HGSNAT: variants seen among roughly 807,000 people sequenced by gnomAD.
HGSNAT encodes the protein transmembrane protein 76.
In HGSNAT, 59 loss-of-function variants were observed where a neutral mutation model predicts 85.2. The observed-to-expected ratio is 0.69, with a 90% CI of 0.56 to 0.86. The LOEUF is 0.86. Ranked by LOEUF, HGSNAT falls within the 40% of genes least tolerant of loss-of-function variation. HGSNAT has a pLI of 0.00. For synonymous variants in HGSNAT, 321 were observed against 304.5 expected (o/e 1.05, Z -0.56); for missense variants, 756 against 777.1 (o/e 0.97, Z 0.32).
intron 10 of HGSNAT, among the ~76,000 whole-genome samples, chr8:43,180,007 G>A (rs1164721039): frequency 2.7e-5 from 3 of 110,472 alleles, no homozygotes; most frequent in Non-Finnish European, 5.6e-5. Context: ...CAGTAGGGGC[G>A]GCCGGGCAGA....
chr8:43,145,410 C>T (rs1802680990), intron 1 of HGSNAT, among the ~76,000 whole-genome samples: 2 of 152,134 alleles, frequency 1.3e-5, no homozygotes, highest in Non-Finnish European at 2.9e-5. Context: ...TACTGCAGGG[C>T]TTGTCTTCAC....
intron 2 of HGSNAT, among the ~76,000 whole-genome samples, chr8:43,152,015 G>A (rs1747774153): frequency 6.6e-6 from 1 of 152,214 alleles, no homozygotes; most frequent in Admixed American, 6.5e-5. Flanking sequence ...GAGGCTGGAT[G>A]CAGTGGTTCA....
At position 43,158,910 on chromosome 8, in the gene HGSNAT, C is replaced by T. The variant is rs1241547026; in HGVS notation, c.372-13C>T. The T allele has an allele frequency of 1.3e-6, 2 of 1,598,492 alleles. No homozygotes were observed. Among genetic ancestry groups the T allele is most frequent in the African/African-American group, 2.7e-5 (2 of 74,564 alleles). ...ATCTAACCACTTGTCTTAATTTTAC[C>T]TAATGTTTGTAGGTTGGAATACAGA... On this transcript the variant is annotated splice_polypyrimidine_tract_variant and intron_variant, in intron 3 of 17. Coordinates refer to ENST00000379644, the MANE Select transcript of HGSNAT (RefSeq NM_152419.3).
intron 5 of HGSNAT, among the ~76,000 whole-genome samples, chr8:43,162,649 T>C (rs1239948303): frequency 1.3e-5 from 2 of 151,930 alleles, no homozygotes; most frequent in Non-Finnish European, 2.9e-5. Context: ...CTTCCTGGGC[T>C]CAGGTGATTC....
Position 43,161,841 on chromosome 8 carries a change from G to A in HGSNAT, c.563+334G>A, listed in dbSNP as rs150715450. 6.6e-5 allele frequency among the ~76,000 whole-genome samples: 10 copies of A among 152,344 alleles called. No homozygotes were observed. The East Asian group carries it at 1.3e-3, about 21-fold the overall frequency. ...CTCATGACAATTTTAGGAGGAGGTC[G>A]CTGCACTGAACTCCCTTCCCCCTCT... On this transcript the variant is annotated intron_variant, in intron 5 of 17. Coordinates refer to ENST00000379644, the MANE Select transcript of HGSNAT (RefSeq NM_152419.3).
chr8:43,167,863 T>C (rs1803480242), intron 5 of HGSNAT: 3 of 205,480 alleles, frequency 1.5e-5, no homozygotes, highest in Non-Finnish European at 3.1e-5. Context: ...AATATATTTA[T>C]CTTTTGTTAG....
At chr8:43,179,184 G>A (rs1488077452) in intron 10 of HGSNAT, among the ~76,000 whole-genome samples, 1 of 150,548 alleles carries the variant, frequency 6.6e-6, no homozygotes, top group African/African-American at 2.5e-5. Flanking sequence ...CCCAGTAGGG[G>A]CGGCCGGGCA....
At chr8:43,155,648 C>G (rs1439136071) in intron 2 of HGSNAT, among the ~76,000 whole-genome samples, 1 of 152,142 alleles carries the variant, frequency 6.6e-6, no homozygotes, top group African/African-American at 2.4e-5. Flanking sequence ...GCACCAGTGT[C>G]ATGCAATGTT....
chr8:43,159,166 T>TC, intron 4 of HGSNAT, 122 bp downstream of exon 4: 1 of 900,902 alleles, frequency 1.1e-6, no homozygotes, highest in South Asian at 2.2e-5. Context: ...AAATCTTAGG[T>TC]CATTGATGAG....
chr8:43,197,517 T>A (rs1007041631), intron 15 of HGSNAT, 155 bp from the exon 16 acceptor site: 17 of 625,624 alleles, frequency 2.7e-5, no homozygotes, highest in Admixed American at 5.8e-5. Context: ...TTCATACATT[T>A]AAAAAAATAT....
rs984400436 is a variant in HGSNAT at position 43,144,428 on chromosome 8, G to A, written c.119-2520G>A. Among the ~76,000 whole-genome samples, 14 of 152,048 alleles carry A rather than the reference G, an allele frequency of 9.2e-5. No homozygotes were observed. In the East Asian group the frequency reaches 2.5e-3, roughly 27 times the overall value. ...TGGCCTGGATCACTGTAATGTCTATGTGTTGAGCACTTGTTTCTGTGCCAG... is the reference window on the plus strand; with the variant it reads ...TGGCCTGGATCACTGTAATGTCTATATGTTGAGCACTTGTTTCTGTGCCAG... On this transcript the variant is annotated intron_variant, in intron 1 of 17. Coordinates refer to ENST00000379644, the MANE Select transcript of HGSNAT (RefSeq NM_152419.3).
At chr8:43,150,235 G>A (rs533623579) in intron 2 of HGSNAT, among the ~76,000 whole-genome samples, 2 of 152,180 alleles carry the variant, frequency 1.3e-5, no homozygotes, top group East Asian at 3.9e-4. Flanking sequence ...TTACCGACGT[G>A]AGCCACCGCG....
chr8:43,159,863 T>A (rs760879759), intron 4 of HGSNAT, among the ~76,000 whole-genome samples: 3 of 152,154 alleles, frequency 2.0e-5, no homozygotes, highest in Non-Finnish European at 4.4e-5. Context: ...TAGGTAACAA[T>A]GTATGTGCTG....
intron 11 of HGSNAT, among the ~76,000 whole-genome samples, chr8:43,188,621 C>T (rs931036191): frequency 2.0e-5 from 3 of 152,106 alleles, no homozygotes; most frequent in African/African-American, 7.2e-5. Context: ...TTTGTTATTA[C>T]CATTCATCTG....
Position 43,178,207 on chromosome 8 carries a change from G to A in HGSNAT, c.985G>A (p.Val329Met). ...GTTAATCTGCATAGGAATTATCATT[G>A]TGAATCCCAATTATTGCCTTGGTCC... ...FLLICIGIII[V>M]NPNYCLGPLS... Residue 329 changes from valine to methionine, a missense_variant, in exon 10 of 18, where the codon GTG (valine) becomes ATG (methionine). Physicochemically the swap from Val to Met is conservative, Grantham distance 21 (BLOSUM62 1). Transcript: ENST00000379644. 6.4e-7 allele frequency: 1 copy of A among 1,554,448 alleles called. No individual in the cohort carries two copies.
At chr8:43,142,399 C>T (rs1563351419) in intron 1 of HGSNAT, among the ~76,000 whole-genome samples, 1 of 152,040 alleles carries the variant, frequency 6.6e-6, no homozygotes, top group South Asian at 2.1e-4. Context: ...GTTTCGAGGT[C>T]ATATTTGATG....
intron 2 of HGSNAT, among the ~76,000 whole-genome samples, chr8:43,152,954 CAG>C (rs1799733523): frequency 6.6e-6 from 1 of 151,546 alleles, no homozygotes; most frequent in African/African-American, 2.4e-5. Context: ...GTAAATGAGT[CAG>C]AGGATCAAAA....
At position 43,197,045 on chromosome 8, in the gene HGSNAT, C is replaced by T. The variant is rs548171657; in HGVS notation, c.1542+20C>T. ...ATTCTTGTAAGTAAGCAGCATTCCT[C>T]GCTAAAATTCCTTTCCTTCACATGT... is the stretch of plus-strand genomic sequence containing the variant. On this transcript the variant is annotated intron_variant, in intron 15 of 17. Transcript: ENST00000379644. 254 of 1,531,006 alleles carry T rather than the reference C, an allele frequency of 1.7e-4. 5 individuals are homozygous for T. The South Asian group carries it at 2.5e-3, about 15-fold the overall frequency. 94.8% of individuals were successfully genotyped at this position (1,531,006 alleles called of 1,614,324 possible).
At chr8:43,194,857 A>G (rs1804655030) in intron 14 of HGSNAT, among the ~76,000 whole-genome samples, 1 of 152,258 alleles carries the variant, frequency 6.6e-6, no homozygotes, top group Admixed American at 6.5e-5. Flanking sequence ...AGAAGTCGCC[A>G]TCTATCTGAA....
Sources: gnomAD v4.1 joint callset for allele counts (sites outside exome capture counted in the v4.1 genomes callset) on GRCh38, gnomAD v4.1.1 for gene constraint, MANE v1.5 for transcripts, NCBI Gene and HGNC (gene_info 2026-07-23, HGNC 2026-07-21) for gene names.